The following CLECL1 variants were observed in gnomAD, a reference collection of about 807,000 sequenced individuals.
The protein encoded by CLECL1 is C-type lectin-like domain family 1.
At chr12:9,706,354 C>T in the CLECL1 span, among the ~76,000 whole-genome samples, 1 of 152,176 alleles carries the variant, frequency 6.6e-6, no homozygotes, top group Admixed American at 6.5e-5. Flanking sequence ...TTATTTCTTT[C>T]CCTTGCCTGA....
chr12:9,719,201 G>A (rs895158281), downstream of CLECL1, among the ~76,000 whole-genome samples: 15 of 152,176 alleles, frequency 9.9e-5, no homozygotes, highest in Non-Finnish European at 2.2e-4. Context: ...TCATGAGGGT[G>A]CCGTGGGAGG....
At chr12:9,724,804 T>C (rs906470892) in intron 3 of CLECL1, among the ~76,000 whole-genome samples, 9 of 152,176 alleles carry the variant, frequency 5.9e-5, no homozygotes, top group Non-Finnish European at 1.0e-4. Flanking sequence ...TTTTTCCAAA[T>C]TGCTTAAATC....
At chr12:9,733,873 G>T (rs1422238319), upstream of CLECL1, among the ~76,000 whole-genome samples, 1 of 152,074 alleles carries the variant, frequency 6.6e-6, no homozygotes, top group Non-Finnish European at 1.5e-5. Context: ...AAAGGCTCAG[G>T]GTCCTATTAG....
At chr12:9,727,282 C>T (rs1866391224) in intron 3 of CLECL1, among the ~76,000 whole-genome samples, 2 of 151,746 alleles carry the variant, frequency 1.3e-5, no homozygotes, top group South Asian at 4.1e-4. Context: ...CCTGTGCTTG[C>T]ACATACCCCA....
the CLECL1 span, among the ~76,000 whole-genome samples, chr12:9,708,594 G>T: frequency 3.9e-5 from 6 of 152,264 alleles, no homozygotes; most frequent in South Asian, 6.2e-4. Flanking sequence ...AGGAGGCCTT[G>T]CTTCGTGACA....
chr12:9,722,705 C>T (rs1866328950), exon 4 of CLECL1: 6 of 1,613,874 alleles, frequency 3.7e-6, no homozygotes, highest in Non-Finnish European at 4.2e-6. Context: ...GTCATTTTGA[C>T]TTTTGTTCCA....
At chr12:9,733,200 G>A (rs1381652452), upstream of CLECL1, 1 of 1,613,610 alleles carries the variant, frequency 6.2e-7, no homozygotes, top group East Asian at 2.2e-5. Flanking sequence ...AATGTGTTCA[G>A]TCTTACTAAT....
At chr12:9,720,006 A>G (rs1330676369), downstream of CLECL1, among the ~76,000 whole-genome samples, 1 of 152,126 alleles carries the variant, frequency 6.6e-6, no homozygotes, top group Non-Finnish European at 1.5e-5. Context: ...TTATCTTGGT[A>G]GTGCAAGGCA....
the CLECL1 span, among the ~76,000 whole-genome samples, chr12:9,708,706 G>A: frequency 2.0e-5 from 3 of 152,126 alleles, no homozygotes; most frequent in Non-Finnish European, 2.9e-5. Flanking sequence ...CTACTTCATG[G>A]GTACCTACCG....
At position 9,716,762 on chromosome 12, in the gene CLECL1, A is replaced by G. The variant is rs1423166967; in HGVS notation, n.167T>C. The G allele has an allele frequency of 3.1e-6, 4 of 1,280,164 alleles. No homozygotes were observed. In the African/African-American group the frequency reaches 4.6e-5, roughly 15 times the overall value. The allele number at this position is 1,280,164 out of a possible 1,614,324, so 79.3% of individuals were successfully genotyped here. Reference sequence around the variant, plus strand: ...TAGGAACTTCTATATGCATATGTCAAAAAAGATTGGATTTCTAGATTTGAG... The same window carrying G: ...TAGGAACTTCTATATGCATATGTCAGAAAAGATTGGATTTCTAGATTTGAG... On this transcript the variant is annotated non_coding_transcript_exon_variant, in exon 3 of 3. Coordinates refer to the CLECL1 transcript ENST00000540988.
upstream of CLECL1, chr12:9,733,105 C>T (rs766409260): frequency 6.5e-7 from 1 of 1,537,650 alleles, no homozygotes; most frequent in East Asian, 2.3e-5. Context: ...TGCAAAGAAA[C>T]TTCTGATAAG....
At chr12:9,715,916 C>T (rs1174924403) in exon 3 of CLECL1, 1 of 152,248 alleles carries the variant, frequency 6.6e-6, no homozygotes, top group East Asian at 1.9e-4. Flanking sequence ...ACATCATTGG[C>T]CTCCTCTCTG....
the CLECL1 span, among the ~76,000 whole-genome samples, chr12:9,707,735 G>T: frequency 6.6e-6 from 1 of 152,214 alleles, no homozygotes; most frequent in Non-Finnish European, 1.5e-5. Flanking sequence ...AAACTATGGG[G>T]TCTGCTTTTC....
downstream of CLECL1, among the ~76,000 whole-genome samples, chr12:9,714,208 T>C (rs1228684077): frequency 1.3e-5 from 2 of 152,256 alleles, no homozygotes; most frequent in African/African-American, 4.8e-5. Flanking sequence ...ATCTTGTGCA[T>C]AAGTGGTGGG....
the CLECL1 span, among the ~76,000 whole-genome samples, chr12:9,710,199 A>T: frequency 1.3e-5 from 2 of 152,218 alleles, no homozygotes; most frequent in Non-Finnish European, 2.9e-5. Flanking sequence ...TGTTTAACCC[A>T]TGCATACTTA....
At chr12:9,702,498 G>A in the CLECL1 span, among the ~76,000 whole-genome samples, 1 of 152,120 alleles carries the variant, frequency 6.6e-6, no homozygotes, top group Non-Finnish European at 1.5e-5. Context: ...CAACATGTGA[G>A]TGGGAAAGCA....
At chr12:9,728,271 A>C (rs1017018332) in intron 2 of CLECL1, among the ~76,000 whole-genome samples, 6 of 151,918 alleles carry the variant, frequency 3.9e-5, no homozygotes, top group Admixed American at 1.3e-4. Context: ...CCACATAAAC[A>C]CATCTGAAAG....
At chr12:9,712,961 T>C (rs1156494702), downstream of CLECL1, among the ~76,000 whole-genome samples, 1 of 152,152 alleles carries the variant, frequency 6.6e-6, no homozygotes, top group Non-Finnish European at 1.5e-5. Flanking sequence ...ACAAAACCTC[T>C]CAGACACCAA....
intron 2 of CLECL1, among the ~76,000 whole-genome samples, chr12:9,727,824 C>G (rs1460319252): frequency 6.6e-6 from 1 of 151,840 alleles, no homozygotes; most frequent in East Asian, 1.9e-4. Context: ...CATAACTACT[C>G]TTTCCTAGAT....
Sources: allele counts gnomAD v4.1 joint callset (sites outside exome capture counted in the v4.1 genomes callset), GRCh38; gene constraint gnomAD v4.1.1; transcripts MANE v1.5; gene names NCBI Gene and HGNC (gene_info 2026-07-23, HGNC 2026-07-21).